TMEM132C: variants seen among roughly 807,000 people sequenced by gnomAD.
The protein encoded by TMEM132C is transmembrane protein 132C, also known as protein phosphatase 1, regulatory subunit 152.
Under a neutral mutation model 61.4 loss-of-function variants are expected in TMEM132C, and 29 were observed. The ratio of observed to expected loss-of-function variants is 0.47; its 90% confidence interval spans 0.35 to 0.64. TMEM132C has a LOEUF of 0.64. Among genes scored for constraint, TMEM132C ranks in the 30% least tolerant of loss-of-function variants. TMEM132C has a pLI of 0.00. For missense variants in TMEM132C, 1,408 were observed against 1,476.9 expected (o/e 0.95, Z 0.76); for synonymous variants, 656 against 633.1 (o/e 1.04, Z -0.54).
chr12:128,303,230 G>A (rs1514902), intron 1 of TMEM132C, among the ~76,000 whole-genome samples: 83,147 of 152,074 alleles, frequency 0.55, 23,235 homozygotes, highest in Middle Eastern at 0.65. Context: ...TTCTTTAAAA[G>A]AAAGGATACT....
chr12:128,301,411 A>G (rs2135918415), intron 1 of TMEM132C, among the ~76,000 whole-genome samples: 2 of 152,302 alleles, frequency 1.3e-5, no homozygotes, highest in South Asian at 4.1e-4. Context: ...CTTGTATCTC[A>G]AAGAATTAAA....
chr12:128,327,376 T>A (rs1353516766), intron 1 of TMEM132C, among the ~76,000 whole-genome samples: 1 of 148,646 alleles, frequency 6.7e-6, no homozygotes, highest in Non-Finnish European at 1.5e-5. Flanking sequence ...GTTTGTTTGT[T>A]TGTTTGTTTG....
rs1440509691 is a variant in TMEM132C, at chr12:128,431,071, T to C, written c.974+15451T>C. ...TGGGGAGGCCAAAGGCTAGGCCTCT[T>C]ATGCCAGTTACCCAAGTTGCGAACG... On this transcript the variant is annotated intron_variant, in intron 2 of 8. Transcript: ENST00000435159. 3.9e-5 allele frequency among the ~76,000 whole-genome samples: 6 copies of C among 152,222 alleles called. No homozygotes were observed. The East Asian group carries it at 9.6e-4, about 24-fold the overall frequency.
At chr12:128,593,491 C>A (rs1027310051) in intron 3 of TMEM132C, among the ~76,000 whole-genome samples, 2 of 152,234 alleles carry the variant, frequency 1.3e-5, no homozygotes, top group Non-Finnish European at 1.5e-5. Flanking sequence ...GACACTCACA[C>A]AGCCAATCCA....
chr12:128,383,552 A>T (rs7980219), intron 1 of TMEM132C, among the ~76,000 whole-genome samples: 33,584 of 152,044 alleles, frequency 0.22, 4,388 homozygotes, highest in South Asian at 0.39. Flanking sequence ...CAGATTAATG[A>T]CACAAAGCCC....
At chr12:128,659,966 C>T (rs1043470050) in intron 4 of TMEM132C, among the ~76,000 whole-genome samples, 2 of 152,202 alleles carry the variant, frequency 1.3e-5, no homozygotes, top group South Asian at 2.1e-4. Flanking sequence ...TCAGCTCCAC[C>T]GCGCTGCTGG....
At chr12:128,337,036 G>A (rs1239403403) in intron 1 of TMEM132C, among the ~76,000 whole-genome samples, 1 of 152,200 alleles carries the variant, frequency 6.6e-6, no homozygotes, top group Non-Finnish European at 1.5e-5. Flanking sequence ...ATGGAAATCA[G>A]AAACCAGTCA....
intron 1 of TMEM132C, among the ~76,000 whole-genome samples, chr12:128,275,127 T>A (rs1300972608): frequency 6.6e-6 from 1 of 152,182 alleles, no homozygotes; most frequent in Non-Finnish European, 1.5e-5. Flanking sequence ...AGGACAGCTT[T>A]TCTGAGCCTC....
rs142217473 is a variant in TMEM132C, at chr12:128,575,459, A to T, written c.1121+31356A>T. Reference sequence around the variant, plus strand: ...GCGCCATTGCACTCCAGCCTGGGCGACAGAGTGAGACTCCGTCTCAAAAAG... The same window carrying T: ...GCGCCATTGCACTCCAGCCTGGGCGTCAGAGTGAGACTCCGTCTCAAAAAG... On this transcript the variant is annotated intron_variant, in intron 3 of 8. Coordinates refer to ENST00000435159, the MANE Select transcript of TMEM132C (RefSeq NM_001136103.3). 7.3e-3 allele frequency among the ~76,000 whole-genome samples: 1,118 copies of T among 152,258 alleles called. 12 individuals carry two copies. Among genetic ancestry groups the T allele is most frequent in the African/African-American group, 0.025 (1,059 of 41,546 alleles).
chr12:128,574,404 C>T (rs1875017467), intron 3 of TMEM132C, among the ~76,000 whole-genome samples: 1 of 152,222 alleles, frequency 6.6e-6, no homozygotes, highest in African/African-American at 2.4e-5. Flanking sequence ...GCATCCCTAC[C>T]ATAGAGAAAC....
At chr12:128,349,520 C>T (rs1873273106) in intron 1 of TMEM132C, among the ~76,000 whole-genome samples, 1 of 152,148 alleles carries the variant, frequency 6.6e-6, no homozygotes, top group Non-Finnish European at 1.5e-5. Flanking sequence ...TTGAGACAAG[C>T]ACTCCCCACC....
intron 1 of TMEM132C, among the ~76,000 whole-genome samples, chr12:128,358,834 C>T (rs978716762): frequency 1.3e-5 from 2 of 152,070 alleles, no homozygotes; most frequent in Admixed American, 6.5e-5. Context: ...TGAAGGAAAC[C>T]CTGCCCATAT....
rs886736849 is a variant in TMEM132C, at chr12:128,446,364, T to G, written c.974+30744T>G. 2.6e-5 allele frequency among the ~76,000 whole-genome samples: 4 copies of G among 152,196 alleles called. No homozygotes were observed. The South Asian group carries it at 6.2e-4, about 24-fold the overall frequency. ...TTTGGTGGCATGAGCCACAGACAAC[T>G]GCTAGGGCTCAGACAGAATGTAGGA... On this transcript the variant is annotated intron_variant, in intron 2 of 8. Transcript: ENST00000435159.
intron 1 of TMEM132C, among the ~76,000 whole-genome samples, chr12:128,345,143 G>T (rs1428659051): frequency 6.6e-6 from 1 of 151,948 alleles, no homozygotes; most frequent in Non-Finnish European, 1.5e-5. Context: ...ACCTATAACT[G>T]AGAACATGTG....
At chr12:128,359,800 A>G (rs1450415013) in intron 1 of TMEM132C, among the ~76,000 whole-genome samples, 1 of 152,186 alleles carries the variant, frequency 6.6e-6, no homozygotes, top group Admixed American at 6.5e-5. Flanking sequence ...CTCATCAAGT[A>G]GATGCCGTTC....
At chr12:128,347,404 TC>T (rs1873197145) in intron 1 of TMEM132C, among the ~76,000 whole-genome samples, 4 of 30,974 alleles carry the variant, frequency 1.3e-4, no homozygotes, top group African/African-American at 3.8e-4. Context: ...TATGTCTCTC[TC>T]TCTCTCTCTC....
At chr12:128,702,935 G>T (rs2135661915) in intron 8 of TMEM132C, among the ~76,000 whole-genome samples, 1 of 152,250 alleles carries the variant, frequency 6.6e-6, no homozygotes, top group South Asian at 2.1e-4. Flanking sequence ...CTGTGAAAAA[G>T]GCAGGGAGGA....
chr12:128,531,615 G>A (rs1873308544), intron 2 of TMEM132C, among the ~76,000 whole-genome samples: 1 of 152,250 alleles, frequency 6.6e-6, no homozygotes, highest in Non-Finnish European at 1.5e-5. Context: ...CTGCTCACAT[G>A]CATGCACATA....
intron 3 of TMEM132C, among the ~76,000 whole-genome samples, chr12:128,590,582 A>G (rs563567767): frequency 4.1e-4 from 63 of 152,270 alleles, no homozygotes; most frequent in African/African-American, 1.5e-3. Context: ...GGCCAGAGCA[A>G]GAACAGCACC....
Sources: gnomAD v4.1 joint callset for allele counts (sites outside exome capture counted in the v4.1 genomes callset) on GRCh38, gnomAD v4.1.1 for gene constraint, MANE v1.5 for transcripts, NCBI Gene and HGNC (gene_info 2026-07-23, HGNC 2026-07-21) for gene names.